The following DTNA variants were observed in gnomAD, a reference collection of about 807,000 sequenced individuals.
DTNA encodes the protein dystrobrevin alpha.
Under a neutral mutation model 100.7 loss-of-function variants are expected in DTNA, and 43 were observed. The ratio of observed to expected loss-of-function variants is 0.43; its 90% CI spans 0.33 to 0.55. DTNA has a LOEUF of 0.55. Ranked by LOEUF, DTNA falls within the 20% of genes least tolerant of loss-of-function variation. The pLI, the probability that DTNA is intolerant of heterozygous loss-of-function variation, is 0.04. For missense variants in DTNA, 798 were observed against 953.9 expected (o/e 0.84, Z 2.15); for synonymous variants, 349 against 347.9 (o/e 1.00, Z -0.04).
chr18:34,672,221 C>T (rs2076854900), intron 1 of DTNA, among the ~76,000 whole-genome samples: 1 of 151,836 alleles, frequency 6.6e-6, no homozygotes, highest in South Asian at 2.1e-4. Flanking sequence ...TGGCATTTAT[C>T]TATACTTAGT....
At chr18:34,500,186 G>T (rs1260998563) in intron 1 of DTNA, among the ~76,000 whole-genome samples, 1 of 151,856 alleles carries the variant, frequency 6.6e-6, no homozygotes, top group Non-Finnish European at 1.5e-5. Context: ...CATACATGTG[G>T]CATGTTTCTC....
chr18:34,496,583 T>A (rs1246583243), intron 1 of DTNA, among the ~76,000 whole-genome samples: 1 of 152,208 alleles, frequency 6.6e-6, no homozygotes, highest in Non-Finnish European at 1.5e-5. Context: ...CTACAGAGCC[T>A]CTTTTTTCCA....
At chr18:34,721,098 A>G (rs2078655708) in intron 1 of DTNA, among the ~76,000 whole-genome samples, 1 of 152,178 alleles carries the variant, frequency 6.6e-6, no homozygotes, top group African/African-American at 2.4e-5. Context: ...CTTTATAAGG[A>G]TGAAGGAAAT....
intron 1 of DTNA, among the ~76,000 whole-genome samples, chr18:34,573,331 T>A (rs79018252): frequency 0.1 from 15,549 of 152,160 alleles, 1,154 homozygotes; most frequent in African/African-American, 0.2. Flanking sequence ...CTCAAAACTT[T>A]ATAGCCTCTC....
chr18:34,738,522 C>G (rs866465492), intron 1 of DTNA, among the ~76,000 whole-genome samples: 17 of 152,068 alleles, frequency 1.1e-4, no homozygotes, highest in African/African-American at 3.9e-4. Context: ...TCTAGATTAC[C>G]AAGCAAACCA....
At chr18:34,766,485 C>CACATGG (rs57746009) in intron 3 of DTNA, among the ~76,000 whole-genome samples, 139,200 of 151,274 alleles carry the variant, frequency 0.92, 65,159 homozygotes, top group South Asian at 1. Flanking sequence ...ACAATGAGAA[C>CACATGG]ACACAGGAAG....
intron 1 of DTNA, among the ~76,000 whole-genome samples, chr18:34,515,912 C>T (rs1490678663): frequency 6.6e-6 from 1 of 152,052 alleles, no homozygotes; most frequent in Non-Finnish European, 1.5e-5. Context: ...ATCATTTAGC[C>T]CCACCCTTTC....
chr18:34,729,511 A>C (rs1219763072), intron 1 of DTNA, among the ~76,000 whole-genome samples: 1 of 152,228 alleles, frequency 6.6e-6, no homozygotes, highest in Non-Finnish European at 1.5e-5. Context: ...GAGGAAAGCT[A>C]AGGAAGAGAA....
chr18:34,674,669 ATG>A (rs2077179927), intron 1 of DTNA, among the ~76,000 whole-genome samples: 1 of 152,214 alleles, frequency 6.6e-6, no homozygotes, highest in Admixed American at 6.5e-5. Context: ...CAGGAACCAG[ATG>A]TGAAAACATG....
intron 1 of DTNA, among the ~76,000 whole-genome samples, chr18:34,540,754 A>G (rs1644055104): frequency 1.3e-5 from 2 of 152,120 alleles, no homozygotes; most frequent in East Asian, 1.9e-4. Context: ...AACTATCCAG[A>G]ATAAAAAATA....
At chr18:34,878,957 G>A (rs1319911105) in intron 19 of DTNA, among the ~76,000 whole-genome samples, 1 of 152,186 alleles carries the variant, frequency 6.6e-6, no homozygotes, top group Non-Finnish European at 1.5e-5. Context: ...AATTGTTGCT[G>A]CTAATTTAGA....
chr18:34,828,947 G>A (rs1191577897), intron 10 of DTNA: 4 of 1,419,884 alleles, frequency 2.8e-6, no homozygotes, highest in African/African-American at 1.4e-5. Context: ...GTGATGTTTA[G>A]AAATATGTAC....
chr18:34,693,488 T>A (rs1282763410), intron 1 of DTNA, among the ~76,000 whole-genome samples: 1 of 152,164 alleles, frequency 6.6e-6, no homozygotes, highest in Non-Finnish European at 1.5e-5. Context: ...TCTTCTCTAC[T>A]ATACAATAAA....
At chr18:34,505,534 G>A (rs1277663570) in intron 1 of DTNA, among the ~76,000 whole-genome samples, 1 of 151,918 alleles carries the variant, frequency 6.6e-6, no homozygotes, top group Admixed American at 6.6e-5. Context: ...TCTCTAATCT[G>A]TTTTCTCTGT....
At chr18:34,692,292 A>G (rs1306259436) in intron 1 of DTNA, among the ~76,000 whole-genome samples, 1 of 152,158 alleles carries the variant, frequency 6.6e-6, no homozygotes, top group East Asian at 1.9e-4. Flanking sequence ...GGTCCGTGGC[A>G]CTCTGTGCCA....
chr18:34,817,016 G>A (rs1290613230), intron 7 of DTNA, among the ~76,000 whole-genome samples: 1 of 152,090 alleles, frequency 6.6e-6, no homozygotes, highest in East Asian at 1.9e-4. Context: ...ATGTTATTAT[G>A]CAAAATGAGT....
chr18:34,775,799 AC>A (rs1398305107), intron 3 of DTNA, among the ~76,000 whole-genome samples: 2 of 152,240 alleles, frequency 1.3e-5, no homozygotes, highest in Non-Finnish European at 2.9e-5. Flanking sequence ...ATCTTGTGAT[AC>A]CCTGAGCAGG....
At chr18:34,809,529 A>G (rs1031212552) in intron 5 of DTNA, among the ~76,000 whole-genome samples, 3 of 152,214 alleles carry the variant, frequency 2.0e-5, no homozygotes, top group Admixed American at 6.5e-5. Flanking sequence ...AATAAGAAAA[A>G]GTAAAATGAA....
At chr18:34,771,012 T>C (rs1045364093) in intron 3 of DTNA, among the ~76,000 whole-genome samples, 13 of 152,100 alleles carry the variant, frequency 8.5e-5, no homozygotes, top group Non-Finnish European at 1.6e-4. Context: ...CATGAGCCAC[T>C]GTGCCTGGCC....
Sources: allele counts gnomAD v4.1 joint callset (sites outside exome capture counted in the v4.1 genomes callset), GRCh38; gene constraint gnomAD v4.1.1; transcripts MANE v1.5; gene names NCBI Gene and HGNC (gene_info 2026-07-23, HGNC 2026-07-21).